The following UBE2R2 variants were observed in gnomAD, a reference collection of about 807,000 sequenced individuals.
UBE2R2 encodes ubiquitin conjugating enzyme E2 R2.
A neutral mutation model predicts 27.8 loss-of-function variants in UBE2R2; 1 was observed. That is an observed-to-expected ratio of 0.04 (90% CI 0.01 to 0.17). The LOEUF is 0.17. UBE2R2 is among the 10% of genes least tolerant of loss of function. The pLI, the probability that UBE2R2 is intolerant of heterozygous loss-of-function variation, is 1.00. For synonymous variants in UBE2R2, 106 were observed against 113.3 expected, an observed-to-expected ratio of 0.94 and a Z score of 0.41; for missense variants, 100 against 291.0, an observed-to-expected ratio of 0.34 and a Z score of 4.78.
chr9:33,858,912 C>T (rs1821164144), intron 1 of UBE2R2, among the ~76,000 whole-genome samples: 1 of 152,074 alleles, frequency 6.6e-6, no homozygotes, highest in African/African-American at 2.4e-5. Context: ...GCAACTTCTG[C>T]TCCCCTGGGT....
rs1822701459 is a variant in UBE2R2 at position 33,918,163 on chromosome 9, G to A, written c.*926G>A. ...GTTGAAACTACTGGTGACCACTGTT[G>A]GGAGAGGAAACATCTGTTTTATAGA... On this transcript the variant is annotated 3_prime_UTR_variant, in exon 5 of 5. Transcript: ENST00000263228. The A allele has an allele frequency of 6.5e-6, 1 of 152,680 alleles. No homozygotes were observed. The highest frequency in any genetic ancestry group is 1.5e-5 in the Non-Finnish European group (1 of 68,026). The allele number at this position is 152,680 out of a possible 1,614,324, so 9.5% of individuals were successfully genotyped here.
At chr9:33,884,415 C>T (rs893777217) in intron 1 of UBE2R2, among the ~76,000 whole-genome samples, 18 of 151,196 alleles carry the variant, frequency 1.2e-4, no homozygotes, top group African/African-American at 3.6e-4. Context: ...TCCTATGTAG[C>T]TGGGACCACA....
At chr9:33,857,493 T>C (rs2130762176) in intron 1 of UBE2R2, among the ~76,000 whole-genome samples, 1 of 152,040 alleles carries the variant, frequency 6.6e-6, no homozygotes, top group East Asian at 1.9e-4. Flanking sequence ...TAGTTTTATA[T>C]TTTTAGTTGA....
At chr9:33,834,252 G>T (rs887079835) in intron 1 of UBE2R2, among the ~76,000 whole-genome samples, 2 of 150,120 alleles carry the variant, frequency 1.3e-5, no homozygotes, top group African/African-American at 4.9e-5. Context: ...CCAGGCTGGA[G>T]TGTGATGGCT....
intron 1 of UBE2R2, among the ~76,000 whole-genome samples, chr9:33,842,489 G>A (rs187180439): frequency 6.6e-6 from 1 of 152,046 alleles, no homozygotes; most frequent in Non-Finnish European, 1.5e-5. Flanking sequence ...ATTAAGAATT[G>A]AATTAATTTT....
At chr9:33,824,782 A>G (rs1272826376) in intron 1 of UBE2R2, among the ~76,000 whole-genome samples, 4 of 151,092 alleles carry the variant, frequency 2.6e-5, no homozygotes, top group South Asian at 2.1e-4. Context: ...CAGCCTGGGC[A>G]ACAGAGTGAA....
chr9:33,832,753 A>T (rs914078584), intron 1 of UBE2R2, among the ~76,000 whole-genome samples: 1 of 152,096 alleles, frequency 6.6e-6, no homozygotes, highest in African/African-American at 2.4e-5. Flanking sequence ...ATGCTCTCAG[A>T]ATCAAAACTT....
rs1261714638 is a variant in UBE2R2, at chr9:33,919,948, TCTC to T, written c.*2714_*2716del. 1 of 152,138 alleles carries T rather than the reference TCTC, an allele frequency of 6.6e-6. No individual in the cohort carries two copies. Among genetic ancestry groups the T allele is most frequent in the Non-Finnish European group, 1.5e-5 (1 of 68,026 alleles). 9.4% of individuals were successfully genotyped at this position (152,138 alleles called of 1,614,324 possible). The stretch of plus-strand genomic sequence containing the variant: ...GTTGATTCTTTCAGTCTTCCCCCCT[TCTC>T]CTTTTATCAATCATTCCAGAGTTAT... On this transcript the variant is annotated 3_prime_UTR_variant, in exon 5 of 5. Transcript: ENST00000263228.
chr9:33,892,730 G>A (rs1293031033), intron 2 of UBE2R2, among the ~76,000 whole-genome samples: 1 of 152,012 alleles, frequency 6.6e-6, no homozygotes, highest in Non-Finnish European at 1.5e-5. Context: ...TTAAGATATA[G>A]GGAAAAGGTT....
In UBE2R2 at chr9:33,888,721, C is replaced by T. The variant is rs982898982; in HGVS notation, c.264+1754C>T. On this transcript the variant is annotated intron_variant, in intron 2 of 4. Coordinates refer to ENST00000263228, the MANE Select transcript of UBE2R2 (RefSeq NM_017811.4). Reference sequence around the variant, plus strand: ...TAGCAGAGACAGTGTTTCACCATGTCGGCCAGAGTGGCCTCGAACTTCTGA... The same window carrying T: ...TAGCAGAGACAGTGTTTCACCATGTTGGCCAGAGTGGCCTCGAACTTCTGA... Among the ~76,000 whole-genome samples the T allele has an allele frequency of 3.3e-5, 5 of 152,122 alleles. No homozygotes were observed. In the East Asian group the frequency reaches 5.8e-4, roughly 18 times the overall value.
At chr9:33,886,060 A>G (rs1290038714) in intron 1 of UBE2R2, among the ~76,000 whole-genome samples, 1 of 152,226 alleles carries the variant, frequency 6.6e-6, no homozygotes, top group Non-Finnish European at 1.5e-5. Context: ...AAAAATGTTT[A>G]CAATGTGATA....
intron 1 of UBE2R2, among the ~76,000 whole-genome samples, chr9:33,844,375 T>C (rs1265103448): frequency 6.6e-6 from 1 of 152,094 alleles, no homozygotes; most frequent in Non-Finnish European, 1.5e-5. Flanking sequence ...CAGCTGATTT[T>C]GTATTTTCAG....
chr9:33,878,249 A>G (rs1821658826), intron 1 of UBE2R2, among the ~76,000 whole-genome samples: 2 of 152,122 alleles, frequency 1.3e-5, no homozygotes, highest in Non-Finnish European at 1.5e-5. Context: ...TGTCCAGGAG[A>G]ACGATGGCTG....
intron 1 of UBE2R2, among the ~76,000 whole-genome samples, chr9:33,855,793 T>C (rs542245737): frequency 6.6e-6 from 1 of 152,320 alleles, no homozygotes; most frequent in Non-Finnish European, 1.5e-5. Context: ...ATTGAAACCT[T>C]ACAGCTAGGC....
At chr9:33,860,080 T>G (rs1285866234) in intron 1 of UBE2R2, among the ~76,000 whole-genome samples, 2 of 150,810 alleles carry the variant, frequency 1.3e-5, no homozygotes, top group Non-Finnish European at 2.9e-5. Context: ...GTGCTGAGAT[T>G]ACAGGTGTGA....
intron 1 of UBE2R2, among the ~76,000 whole-genome samples, chr9:33,836,684 G>A (rs902317229): frequency 2.0e-5 from 3 of 151,958 alleles, no homozygotes; most frequent in Non-Finnish European, 4.4e-5. Flanking sequence ...TTCAACCTGG[G>A]AGGCAGAGGA....
chr9:33,870,407 TG>T (rs1198107355), intron 1 of UBE2R2, among the ~76,000 whole-genome samples: 1 of 152,178 alleles, frequency 6.6e-6, no homozygotes, highest in Non-Finnish European at 1.5e-5. Context: ...CCTCCCAAAA[TG>T]GTGAGATTAC....
rs949034635 is a variant in UBE2R2 at position 33,902,585 on chromosome 9, A to G, written c.362+2314A>G. Among the ~76,000 whole-genome samples the G allele has an allele frequency of 3.3e-5, 5 of 152,330 alleles. 1 individual carries two copies. In the South Asian group the frequency reaches 8.3e-4, roughly 25 times the overall value. On this transcript the variant is annotated intron_variant, in intron 3 of 4. Transcript: ENST00000263228. ...TTATTTCATTTTGCTACAGGGAGAC[A>G]TAATTGCTAGATGCCTGTATCGTAA...
At chr9:33,879,943 CA>C (rs1040929963) in intron 1 of UBE2R2, among the ~76,000 whole-genome samples, 1 of 151,202 alleles carries the variant, frequency 6.6e-6, no homozygotes, top group Non-Finnish European at 1.5e-5. Flanking sequence ...AGTGCAGTGG[CA>C]AGGTTATGAT....
Sources: gnomAD v4.1 joint callset for allele counts (sites outside exome capture counted in the v4.1 genomes callset) on GRCh38, gnomAD v4.1.1 for gene constraint, MANE v1.5 for transcripts, NCBI Gene and HGNC (gene_info 2026-07-23, HGNC 2026-07-21) for gene names.